PPP3CC: variants seen among roughly 807,000 people sequenced by gnomAD.
The protein encoded by PPP3CC is serine/threonine-protein phosphatase 2B catalytic subunit gamma isoform.
PPP3CC carries 35 observed loss-of-function variants against 60.3 expected under a neutral mutation model. The observed-to-expected ratio is 0.58, with a 90% CI of 0.44 to 0.77. The LOEUF is 0.77. Ranked by LOEUF, PPP3CC falls within the 30% of genes least tolerant of loss-of-function variation. The probability of loss-of-function intolerance (pLI) is 0.00; values close to 1 mark genes in which losing one functional copy is unlikely to be tolerated. For missense variants in PPP3CC, 570 were observed against 628.9 expected, an observed-to-expected ratio of 0.91 and a Z score of 1.00; for synonymous variants, 206 against 224.3, an observed-to-expected ratio of 0.92 and a Z score of 0.73.
intron 1 of PPP3CC, among the ~76,000 whole-genome samples, chr8:22,449,447 CAAAAAAA>C (rs35113938): frequency 1.7e-4 from 10 of 59,666 alleles, no homozygotes; most frequent in Admixed American, 1.2e-3. Context: ...GACCCCATCT[CAAAAAAA>C]AAAAAAAAAA....
intron 5 of PPP3CC, among the ~76,000 whole-genome samples, chr8:22,512,819 G>A (rs557080008): frequency 7.9e-5 from 12 of 152,304 alleles, no homozygotes; most frequent in African/African-American, 2.4e-4. Flanking sequence ...GTTCACGCCT[G>A]TAATCCCAGC....
At chr8:22,483,370 T>C in intron 3 of PPP3CC, among the ~76,000 whole-genome samples, 1 of 152,132 alleles carries the variant, frequency 6.6e-6, no homozygotes, top group East Asian at 1.9e-4. Context: ...CACTGCAGGC[T>C]CCGCCTCCAG....
chr8:22,537,741 C>T (rs1438589666), intron 12 of PPP3CC, among the ~76,000 whole-genome samples: 1 of 152,208 alleles, frequency 6.6e-6, no homozygotes, highest in East Asian at 1.9e-4. Context: ...TGCAGGTATA[C>T]ATGTCAACAT....
chr8:22,522,138 C>G (rs57711706), intron 6 of PPP3CC, among the ~76,000 whole-genome samples: 1 of 109,234 alleles, frequency 9.2e-6, no homozygotes, highest in Non-Finnish European at 1.9e-5. Flanking sequence ...TACACACACA[C>G]GCACACACAC....
intron 5 of PPP3CC, 100 bp downstream of exon 5, chr8:22,511,331 C>A: frequency 7.6e-7 from 1 of 1,315,944 alleles, no homozygotes; most frequent in Non-Finnish European, 1.0e-6. Flanking sequence ...TCTCTTTCAC[C>A]CGGGCTGAAG....
chr8:22,533,812 G>A (rs1205576584), intron 12 of PPP3CC, among the ~76,000 whole-genome samples: 1 of 150,932 alleles, frequency 6.6e-6, no homozygotes, highest in Non-Finnish European at 1.5e-5. Context: ...GCGACAGAGT[G>A]AGACTCCATC....
At chr8:22,470,059 TACACACACAC>T (rs55658283) in intron 1 of PPP3CC, among the ~76,000 whole-genome samples, 26 of 146,074 alleles carry the variant, frequency 1.8e-4, no homozygotes, top group Non-Finnish European at 3.2e-4. Flanking sequence ...TATATATATA[TACACACACAC>T]ACACACACAC....
intron 10 of PPP3CC, 50 bp from the exon 11 acceptor site, chr8:22,532,175 C>G (rs751215633): frequency 3.7e-6 from 5 of 1,337,550 alleles, no homozygotes; most frequent in Non-Finnish European, 5.2e-6. Context: ...TTTTTAAAGG[C>G]AGCCTATTAA....
chr8:22,539,106 C>A (rs1418037882), intron 12 of PPP3CC, among the ~76,000 whole-genome samples: 1 of 152,036 alleles, frequency 6.6e-6, no homozygotes, highest in African/African-American at 2.4e-5. Flanking sequence ...TTTAATATCA[C>A]CTGAGATATT....
At chr8:22,447,517 C>T (rs1041495988) in intron 1 of PPP3CC, among the ~76,000 whole-genome samples, 5 of 151,874 alleles carry the variant, frequency 3.3e-5, no homozygotes, top group Admixed American at 6.6e-5. Flanking sequence ...GGAGTTTCGC[C>T]CTGTTGTTGA....
chr8:22,517,451 T>A (rs375176409), intron 6 of PPP3CC, among the ~76,000 whole-genome samples: 2 of 149,394 alleles, frequency 1.3e-5, no homozygotes. Context: ...TTCTTTTTTT[T>A]AATGATTAAT....
At chr8:22,479,012 A>G (rs1837981678) in intron 3 of PPP3CC, among the ~76,000 whole-genome samples, 1 of 152,200 alleles carries the variant, frequency 6.6e-6, no homozygotes, top group South Asian at 2.1e-4. Context: ...CAGTGTTAAA[A>G]CCAAAGTATG....
rs1838053779 is a variant in PPP3CC, at chr8:22,481,177, T to C, written c.372+5553T>C. Among the ~76,000 whole-genome samples, 3 of 151,920 alleles carry C rather than the reference T, an allele frequency of 2.0e-5. No homozygotes were observed. In the South Asian group the frequency reaches 6.2e-4, roughly 32 times the overall value. On this transcript the variant is annotated intron_variant, in intron 3 of 13. Transcript: ENST00000240139. ...GGTGAAACCCCGTCTGTACTAAAAA[T>C]ACAAAAAGTTAGCCGGGCGTGGTGG...
intron 1 of PPP3CC, among the ~76,000 whole-genome samples, chr8:22,458,086 C>T (rs114953396): frequency 0.019 from 2,936 of 151,472 alleles, 58 homozygotes; most frequent in East Asian, 0.086. Flanking sequence ...AGTAAATCTC[C>T]GTCGCACCAA....
At chr8:22,461,229 G>C (rs538475559) in intron 1 of PPP3CC, among the ~76,000 whole-genome samples, 5 of 152,214 alleles carry the variant, frequency 3.3e-5, no homozygotes, top group African/African-American at 7.2e-5. Context: ...TAATGATAAG[G>C]GGTTTTTAAA....
At chr8:22,499,093 T>G (rs1008785021) in intron 4 of PPP3CC, among the ~76,000 whole-genome samples, 1 of 150,036 alleles carries the variant, frequency 6.7e-6, no homozygotes, top group African/African-American at 2.5e-5. Context: ...TACTCCAGCC[T>G]GGGCAACAGA....
At chr8:22,477,963 G>C (rs1837945582) in intron 3 of PPP3CC, among the ~76,000 whole-genome samples, 1 of 152,186 alleles carries the variant, frequency 6.6e-6, no homozygotes. Flanking sequence ...TGATTCTTCT[G>C]CCTCAGCCTC....
At chr8:22,474,636 G>A (rs921379799) in intron 1 of PPP3CC, among the ~76,000 whole-genome samples, 3 of 152,084 alleles carry the variant, frequency 2.0e-5, no homozygotes, top group Non-Finnish European at 2.9e-5. Flanking sequence ...CTCAGGAGGC[G>A]GAGGTTGCAG....
intron 4 of PPP3CC, among the ~76,000 whole-genome samples, chr8:22,502,400 A>G (rs990023380): frequency 2.6e-5 from 4 of 152,178 alleles, no homozygotes; most frequent in Admixed American, 2.0e-4. Flanking sequence ...TGAAAGACCA[A>G]GGTGGCCGGG....
Sources: gnomAD v4.1 joint callset for allele counts (sites outside exome capture counted in the v4.1 genomes callset) on GRCh38, gnomAD v4.1.1 for gene constraint, MANE v1.5 for transcripts, NCBI Gene and HGNC (gene_info 2026-07-23, HGNC 2026-07-21) for gene names.